CAMK2D: variants seen among roughly 807,000 people sequenced by gnomAD.
CAMK2D encodes calcium/calmodulin-dependent protein kinase type II subunit delta.
Under a neutral mutation model 84.0 loss-of-function variants are expected in CAMK2D, and 37 were observed. That is an observed-to-expected ratio of 0.44 (90% CI 0.34 to 0.58). The LOEUF (loss-of-function observed/expected upper bound fraction) is 0.58, where lower values mean the gene tolerates loss of function less well. Among genes scored for constraint, CAMK2D ranks in the 20% least tolerant of loss-of-function variants. The pLI is 0.02. For synonymous variants in CAMK2D, 202 were observed against 212.5 expected, an observed-to-expected ratio of 0.95 and a Z score of 0.43; for missense variants, 448 against 652.5, an observed-to-expected ratio of 0.69 and a Z score of 3.41.
At chr4:113,576,686 G>A (rs1311521036) in intron 4 of CAMK2D, among the ~76,000 whole-genome samples, 1 of 151,968 alleles carries the variant, frequency 6.6e-6, no homozygotes, top group Non-Finnish European at 1.5e-5. Flanking sequence ...CTTTTTAACT[G>A]CAGATGTATT....
chr4:113,467,764 G>A (rs1403323218), intron 16 of CAMK2D, among the ~76,000 whole-genome samples: 1 of 152,156 alleles, frequency 6.6e-6, no homozygotes, highest in East Asian at 1.9e-4. Context: ...GCTTAATTCA[G>A]TTAGGCAATA....
At chr4:113,566,732 G>A (rs578017566) in intron 4 of CAMK2D, among the ~76,000 whole-genome samples, 1 of 152,272 alleles carries the variant, frequency 6.6e-6, no homozygotes, top group Admixed American at 6.5e-5. Flanking sequence ...TTCACACTGA[G>A]TGGAATATCT....
chr4:113,661,823 AAC>A (rs2099233927), intron 2 of CAMK2D, 51 bp from the exon 3 acceptor site: 1 of 836,094 alleles, frequency 1.2e-6, no homozygotes, highest in East Asian at 2.7e-5. Flanking sequence ...AAAATAATAA[AAC>A]ACAATAAACA....
intron 5 of CAMK2D, among the ~76,000 whole-genome samples, chr4:113,549,921 T>C (rs2098611575): frequency 6.6e-6 from 1 of 152,218 alleles, no homozygotes; most frequent in African/African-American, 2.4e-5. Flanking sequence ...CATTGTTTAT[T>C]TGAGTATTGG....
chr4:113,495,004 C>T (rs1590155262), intron 16 of CAMK2D, among the ~76,000 whole-genome samples: 1 of 152,202 alleles, frequency 6.6e-6, no homozygotes, highest in African/African-American at 2.4e-5. Context: ...TCGGCTCACG[C>T]ACGGTGCGCG....
At chr4:113,727,220 A>G (rs1213350421) in intron 2 of CAMK2D, among the ~76,000 whole-genome samples, 1 of 152,196 alleles carries the variant, frequency 6.6e-6, no homozygotes, top group East Asian at 1.9e-4. Flanking sequence ...TTTTTTAAAG[A>G]AATTGACAAC....
Position 113,513,377 on chromosome 4 carries a change from A to T in CAMK2D, c.904-7T>A. On this transcript the variant is annotated splice_polypyrimidine_tract_variant and splice_region_variant and intron_variant, in intron 11 of 20. Coordinates refer to ENST00000511664, the MANE Select transcript of CAMK2D (RefSeq NM_001321571.2). The stretch of plus-strand genomic sequence containing the variant: ...TAGTTGTCAAGATGGCACCCTGTGA[A>T]AAAAATTAGAACACAAAAGTCAGTG... The T allele has an allele frequency of 6.3e-7, 1 of 1,599,620 alleles. No homozygotes were observed. Among genetic ancestry groups the T allele is most frequent in the Non-Finnish European group, 8.6e-7 (1 of 1,166,756 alleles).
chr4:113,751,574 A>G (rs146965814), intron 2 of CAMK2D, among the ~76,000 whole-genome samples: 2,967 of 152,234 alleles, frequency 0.019, 125 homozygotes, highest in East Asian at 0.17. Context: ...GTTCGAGACC[A>G]GCCTGACCAA....
At chr4:113,579,545 G>A (rs2098798680) in intron 4 of CAMK2D, among the ~76,000 whole-genome samples, 1 of 152,056 alleles carries the variant, frequency 6.6e-6, no homozygotes, top group Admixed American at 6.6e-5. Context: ...ATAGCTGATT[G>A]TTAAAAGACC....
chr4:113,597,553 G>A (rs1323335141), intron 4 of CAMK2D, among the ~76,000 whole-genome samples: 2 of 152,194 alleles, frequency 1.3e-5, no homozygotes, highest in Non-Finnish European at 2.9e-5. Flanking sequence ...TTTGGCTTAA[G>A]GAAATGTTAT....
chr4:113,535,916 G>C (rs2098486541), intron 7 of CAMK2D, among the ~76,000 whole-genome samples: 1 of 152,104 alleles, frequency 6.6e-6, no homozygotes, highest in African/African-American at 2.4e-5. Context: ...CCAGGGTCAG[G>C]ACTTCCTACT....
rs574675277 is a variant in CAMK2D at position 113,592,673 on chromosome 4, C to T, written c.275+16479G>A. Among the ~76,000 whole-genome samples, 16 of 151,562 alleles carry T rather than the reference C, an allele frequency of 1.1e-4. 1 individual carries two copies. Among genetic ancestry groups the T allele is most frequent in the Non-Finnish European group, 1.6e-4 (11 of 67,894 alleles). On this transcript the variant is annotated intron_variant, in intron 4 of 20. Transcript: ENST00000511664. ...GAAATATCAAACTGCTTTTATTATC[C>T]GTCTCGGCAACCTATAATATATAAG...
chr4:113,559,138 C>T (rs2098686437), intron 4 of CAMK2D, among the ~76,000 whole-genome samples: 1 of 150,894 alleles, frequency 6.6e-6, no homozygotes, highest in Admixed American at 6.6e-5. Context: ...TTTGCAAGCA[C>T]CACAGACATT....
chr4:113,462,363 T>C (rs981398484), intron 17 of CAMK2D, among the ~76,000 whole-genome samples: 1 of 151,636 alleles, frequency 6.6e-6, no homozygotes, highest in Non-Finnish European at 1.5e-5. Context: ...TATCTATCTA[T>C]CTATCTAATC....
At chr4:113,548,224 T>C (rs1406991131) in intron 5 of CAMK2D, among the ~76,000 whole-genome samples, 1 of 152,200 alleles carries the variant, frequency 6.6e-6, no homozygotes, top group Non-Finnish European at 1.5e-5. Context: ...TAATATCTCT[T>C]GCCTAAGGGT....
intron 2 of CAMK2D, among the ~76,000 whole-genome samples, chr4:113,701,637 G>A (rs545358955): frequency 6.6e-6 from 1 of 152,282 alleles, no homozygotes; most frequent in African/African-American, 2.4e-5. Context: ...GCCACCCTGG[G>A]AAAGTTATGA....
At chr4:113,753,936 T>G (rs1349667857) in intron 2 of CAMK2D, 1 of 982,602 alleles carries the variant, frequency 1.0e-6, no homozygotes, top group Non-Finnish European at 1.2e-6. Context: ...ACTTTATTCA[T>G]GCTTGAATTG....
rs1427957989 is a variant in CAMK2D, at chr4:113,452,809, T to C, written c.*1736A>G. On this transcript the variant is annotated 3_prime_UTR_variant, in exon 21 of 21. Transcript: ENST00000511664. Reference sequence around the variant, plus strand: ...GGTTAACATGGCTCAATATATTTACTGTATATATTTATTTTAAATATATAT... The same window carrying C: ...GGTTAACATGGCTCAATATATTTACCGTATATATTTATTTTAAATATATAT... 6.6e-6 allele frequency: 1 copy of C among 152,510 alleles called. No homozygotes were observed. Among genetic ancestry groups the C allele is most frequent in the Non-Finnish European group, 1.5e-5 (1 of 68,036 alleles). The allele number at this position is 152,510 out of a possible 1,614,324, so 9.4% of individuals were successfully genotyped here.
chr4:113,632,407 G>C (rs1463368243), intron 3 of CAMK2D, among the ~76,000 whole-genome samples: 1 of 151,992 alleles, frequency 6.6e-6, no homozygotes, highest in South Asian at 2.1e-4. Context: ...AATTTTAGTA[G>C]AAACAGGGTT....
Sources: gnomAD v4.1 joint callset for allele counts (sites outside exome capture counted in the v4.1 genomes callset) on GRCh38, gnomAD v4.1.1 for gene constraint, MANE v1.5 for transcripts, NCBI Gene and HGNC (gene_info 2026-07-23, HGNC 2026-07-21) for gene names.